The following RAPGEF2 variants were observed in gnomAD, a reference collection of about 807,000 sequenced individuals.
RAPGEF2 encodes the protein Rap guanine nucleotide exchange factor 2.
A neutral mutation model predicts 186.7 loss-of-function variants in RAPGEF2; 54 were observed. The observed-to-expected ratio is 0.29, with a 90% CI of 0.23 to 0.36. The LOEUF (loss-of-function observed/expected upper bound fraction) is 0.36. Among genes scored for constraint, RAPGEF2 ranks in the 10% least tolerant of loss-of-function variants. The pLI is 1.00. For synonymous variants in RAPGEF2, 712 were observed against 705.9 expected (o/e 1.01, Z -0.14); for missense variants, 1,532 against 2,045.0 (o/e 0.75, Z 4.84).
intron 7 of RAPGEF2, 56 bp downstream of exon 7, chr4:159,243,847 G>T (rs936452244): frequency 8.9e-7 from 1 of 1,122,944 alleles, no homozygotes; most frequent in Non-Finnish European, 1.2e-6. Context: ...GTGTGAATTT[G>T]CACTGTTACT....
At chr4:159,110,553 GGGTAACAA>G (rs2111060082) in intron 1 of RAPGEF2, among the ~76,000 whole-genome samples, 2 of 152,226 alleles carry the variant, frequency 1.3e-5, no homozygotes, top group South Asian at 4.1e-4. Context: ...ACTCCAGCCT[GGGTAACAA>G]GAGCGAAACC....
At chr4:159,107,655 CATT>C (rs556575157) in intron 1 of RAPGEF2, among the ~76,000 whole-genome samples, 30 of 152,006 alleles carry the variant, frequency 2.0e-4, no homozygotes, top group Admixed American at 5.9e-4. Flanking sequence ...AGTACTAACT[CATT>C]GATGTGTTAT....
intron 9 of RAPGEF2, among the ~76,000 whole-genome samples, chr4:159,320,640 G>C (rs971935193): frequency 6.6e-6 from 1 of 152,050 alleles, no homozygotes; most frequent in Admixed American, 6.6e-5. Context: ...GGATGACATA[G>C]AGTCCAATCA....
chr4:159,295,777 G>C (rs1175226935), intron 7 of RAPGEF2, among the ~76,000 whole-genome samples: 1 of 149,536 alleles, frequency 6.7e-6, no homozygotes, highest in Non-Finnish European at 1.5e-5. Flanking sequence ...GCGCGCGCAT[G>C]CACATAATGT....
chr4:159,203,145 C>T (rs532956649), intron 3 of RAPGEF2, among the ~76,000 whole-genome samples: 55 of 152,276 alleles, frequency 3.6e-4, no homozygotes, highest in African/African-American at 1.2e-3. Flanking sequence ...ACACACAGCT[C>T]TTTCCCATGG....
At chr4:159,271,151 G>GT (rs1412337660) in intron 7 of RAPGEF2, among the ~76,000 whole-genome samples, 3 of 152,142 alleles carry the variant, frequency 2.0e-5, no homozygotes, top group Admixed American at 1.3e-4. Flanking sequence ...CAACTGTTGT[G>GT]TTTTTTTAAA....
chr4:159,225,136 G>C (rs1172458833), intron 4 of RAPGEF2, among the ~76,000 whole-genome samples: 1 of 152,142 alleles, frequency 6.6e-6, no homozygotes, highest in African/African-American at 2.4e-5. Flanking sequence ...ATACAGGGTA[G>C]GGTAGGTGGA....
At chr4:159,249,784 C>A (rs1755093952) in intron 7 of RAPGEF2, among the ~76,000 whole-genome samples, 1 of 152,030 alleles carries the variant, frequency 6.6e-6, no homozygotes, top group South Asian at 2.1e-4. Context: ...ACATGCCATA[C>A]AATTCACCTA....
In RAPGEF2 at chr4:159,355,896, C is replaced by CCCCCCCCAAGT; in HGVS notation, c.4695_4696insCCCCCCCAAGT (p.Gly1566ProfsTer63). The CCCCCCCCAAGT allele has an allele frequency of 6.4e-7, 1 of 1,555,928 alleles. No homozygotes were observed. The highest frequency in any genetic ancestry group is 8.7e-7 in the Non-Finnish European group (1 of 1,149,426). On this transcript the variant is annotated frameshift_variant, in exon 29 of 30. Coordinates refer to ENST00000691494, the MANE Select transcript of RAPGEF2 (RefSeq NM_001394067.2). LOFTEE classifies it high-confidence loss of function. ...ATCGAGAGCCCCCGCCCACCCCTCC[C>CCCCCCCCAAGT]GGCTACATTGGAATTCCCATTACTG...
At chr4:159,300,080 T>C (rs1035703476) in intron 7 of RAPGEF2, among the ~76,000 whole-genome samples, 2 of 151,690 alleles carry the variant, frequency 1.3e-5, no homozygotes, top group Admixed American at 6.6e-5. Context: ...TATAGTATCC[T>C]TTATTAATAT....
At chr4:159,300,538 T>A (rs2111026226) in intron 7 of RAPGEF2, among the ~76,000 whole-genome samples, 1 of 152,254 alleles carries the variant, frequency 6.6e-6, no homozygotes. Flanking sequence ...AATACATTGG[T>A]ATTAAAAATA....
intron 7 of RAPGEF2, among the ~76,000 whole-genome samples, chr4:159,297,251 AAAAAACACAC>A (rs1242596836): frequency 6.6e-6 from 1 of 152,148 alleles, no homozygotes; most frequent in African/African-American, 2.4e-5. Context: ...CCAACCCCCA[AAAAAACACAC>A]AACACAGTGG....
chr4:159,242,068 A>T (rs573866325), intron 6 of RAPGEF2, among the ~76,000 whole-genome samples: 1 of 152,184 alleles, frequency 6.6e-6, no homozygotes, highest in East Asian at 1.9e-4. Context: ...TGATAAATAA[A>T]CTGCTTTTTA....
intron 3 of RAPGEF2, among the ~76,000 whole-genome samples, chr4:159,205,960 G>C (rs191456749): frequency 1.3e-5 from 2 of 149,826 alleles, no homozygotes; most frequent in Non-Finnish European, 3.0e-5. Flanking sequence ...ACAGAGTGTC[G>C]CCCTGTCACC....
chr4:159,221,417 C>T (rs1751529048), intron 4 of RAPGEF2, among the ~76,000 whole-genome samples: 1 of 152,188 alleles, frequency 6.6e-6, no homozygotes, highest in Admixed American at 6.5e-5. Flanking sequence ...CCATTCAAGA[C>T]AGATTGCTTG....
rs1266174162 is a variant in RAPGEF2 at position 159,287,506 on chromosome 4, C to T, written c.544-16836C>T. 4.6e-5 allele frequency among the ~76,000 whole-genome samples: 7 copies of T among 152,196 alleles called. No homozygotes were observed. In the East Asian group the frequency reaches 1.3e-3, roughly 29 times the overall value. ...ATTCAGTGCCAAAAATCACGTAAAG[C>T]TACTTGGATGTCTCCTTGAGTGATA... On this transcript the variant is annotated intron_variant, in intron 7 of 29. Coordinates refer to ENST00000691494, the MANE Select transcript of RAPGEF2 (RefSeq NM_001394067.2).
intron 1 of RAPGEF2, among the ~76,000 whole-genome samples, chr4:159,126,626 C>A (rs1490663863): frequency 1.3e-5 from 2 of 152,022 alleles, no homozygotes; most frequent in Non-Finnish European, 2.9e-5. Context: ...ATAAACACTC[C>A]TCTTTGCTGA....
At chr4:159,255,436 A>G (rs1012470895) in intron 7 of RAPGEF2, among the ~76,000 whole-genome samples, 4 of 151,746 alleles carry the variant, frequency 2.6e-5, no homozygotes, top group Non-Finnish European at 5.9e-5. Flanking sequence ...GACATAAGTG[A>G]CCAGTTTCCC....
At chr4:159,159,787 G>C (rs764945156) in intron 1 of RAPGEF2, among the ~76,000 whole-genome samples, 4 of 152,162 alleles carry the variant, frequency 2.6e-5, no homozygotes, top group Non-Finnish European at 4.4e-5. Flanking sequence ...GTGAACAATA[G>C]TGTTCTCAAC....
Sources: allele counts gnomAD v4.1 joint callset (sites outside exome capture counted in the v4.1 genomes callset), GRCh38; gene constraint gnomAD v4.1.1; transcripts MANE v1.5; gene names NCBI Gene and HGNC (gene_info 2026-07-23, HGNC 2026-07-21).